KATNBL1: variants seen among roughly 807,000 people sequenced by gnomAD.
KATNBL1 encodes KATNB1-like protein 1.
In KATNBL1, 28 loss-of-function variants were observed where a neutral mutation model predicts 44.7. The ratio of observed to expected loss-of-function variants is 0.63; its 90% CI spans 0.46 to 0.86. KATNBL1 has a LOEUF of 0.86. Among genes scored for constraint, KATNBL1 ranks in the 40% least tolerant of loss-of-function variants. The probability of loss-of-function intolerance (pLI) is 0.00; values close to 1 mark genes in which losing one functional copy is unlikely to be tolerated. For synonymous variants in KATNBL1, 78 were observed against 114.9 expected (o/e 0.68, Z 2.06); for missense variants, 272 against 350.7 (o/e 0.78, Z 1.79).
chr15:34,181,866 T>TCC (rs1555529424), intron 1 of KATNBL1, among the ~76,000 whole-genome samples: 2 of 119,804 alleles, frequency 1.7e-5, no homozygotes, highest in Non-Finnish European at 3.4e-5. Context: ...CATATATATA[T>TCC]ATCCATATAT....
At chr15:34,203,999 G>C (rs1220632653) in intron 1 of KATNBL1, among the ~76,000 whole-genome samples, 2 of 143,616 alleles carry the variant, frequency 1.4e-5, no homozygotes, top group Non-Finnish European at 3.0e-5. Flanking sequence ...AGCACATTCT[G>C]CACACGTACC....
intron 7 of KATNBL1, 95 bp from the exon 8 acceptor site, chr15:34,146,945 CAT>C: frequency 1.3e-6 from 1 of 773,564 alleles, no homozygotes; most frequent in South Asian, 1.6e-5. Context: ...CACACACACA[CAT>C]TGGTCCCTTC....
intron 1 of KATNBL1, among the ~76,000 whole-genome samples, chr15:34,189,648 G>A (rs1002484206): frequency 6.6e-6 from 1 of 152,168 alleles, no homozygotes; most frequent in Admixed American, 6.5e-5. Flanking sequence ...TGATAGAGAG[G>A]AGACAGTTTC....
rs1888131266 is a variant in KATNBL1 at position 34,140,715 on chromosome 15, C to G, written c.*1624G>C. 1 of 152,102 alleles carries G rather than the reference C, an allele frequency of 6.6e-6. No individual in the cohort carries two copies. Among genetic ancestry groups the G allele is most frequent in the Admixed American group, 6.5e-5 (1 of 15,270 alleles). The allele number at this position is 152,102 out of a possible 1,614,324, so 9.4% of individuals were successfully genotyped here. A position where few individuals can be genotyped will look rare whatever the true frequency, so the allele number is the denominator to read the frequency against. ...TTATATTTTATCATGTTAAAAGTTT[C>G]ACAGAGATAACAGGTTTACAATTCA... is the stretch of plus-strand genomic sequence containing the variant. On this transcript the variant is annotated 3_prime_UTR_variant, in exon 10 of 10. Coordinates refer to ENST00000256544, the MANE Select transcript of KATNBL1 (RefSeq NM_024713.3).
intron 1 of KATNBL1, among the ~76,000 whole-genome samples, chr15:34,170,943 AT>A (rs764547738): frequency 3.3e-5 from 5 of 152,228 alleles, no homozygotes; most frequent in Non-Finnish European, 7.3e-5. Flanking sequence ...TTCAAGATGG[AT>A]TAAAGACTTA....
chr15:34,181,690 C>T (rs62016520), intron 1 of KATNBL1, among the ~76,000 whole-genome samples: 1 of 38,488 alleles, frequency 2.6e-5, no homozygotes, highest in Non-Finnish European at 5.2e-5. Flanking sequence ...ATATATATGT[C>T]CATATATATA....
intron 1 of KATNBL1, among the ~76,000 whole-genome samples, chr15:34,190,645 T>C (rs1235913845): frequency 1.3e-5 from 2 of 152,180 alleles, no homozygotes; most frequent in Non-Finnish European, 2.9e-5. Context: ...TGGGAAACTT[T>C]ACAATGGATA....
intron 1 of KATNBL1, among the ~76,000 whole-genome samples, chr15:34,175,985 A>G (rs1889319021): frequency 6.6e-6 from 1 of 152,256 alleles, no homozygotes; most frequent in Non-Finnish European, 1.5e-5. Flanking sequence ...CTTATTCACA[A>G]TAGCCAAAAA....
intron 1 of KATNBL1, among the ~76,000 whole-genome samples, chr15:34,203,313 C>T (rs748002006): frequency 4.6e-5 from 7 of 152,102 alleles, no homozygotes; most frequent in Non-Finnish European, 8.8e-5. Context: ...CCAAGCTGTC[C>T]GTTTCTTTCC....
intron 2 of KATNBL1, among the ~76,000 whole-genome samples, chr15:34,158,142 A>G (rs917699979): frequency 6.6e-6 from 1 of 152,200 alleles, no homozygotes; most frequent in Non-Finnish European, 1.5e-5. Context: ...CCTAAATACT[A>G]GGCAACTATC....
At chr15:34,199,826 AAGAC>A (rs1890128156) in intron 1 of KATNBL1, 1 of 151,836 alleles carries the variant, frequency 6.6e-6, no homozygotes, top group Non-Finnish European at 1.5e-5. Context: ...ATTTATTGTG[AAGAC>A]GGAAAGAACA....
rs144559039 is a variant in KATNBL1 at position 34,190,730 on chromosome 15, C to T, written c.-15+19221G>A. Among the ~76,000 whole-genome samples the T allele has an allele frequency of 1.6e-3, 251 of 152,198 alleles. 1 individual carries two copies. The highest frequency in any genetic ancestry group is 2.9e-3 in the Non-Finnish European group (194 of 68,018). On this transcript the variant is annotated intron_variant, in intron 1 of 9. Coordinates refer to ENST00000256544, the MANE Select transcript of KATNBL1 (RefSeq NM_024713.3). ...AGAGACAACCAGACATTATATGAATCCTGATATGATACAACAGGAAATATT... is the reference window on the plus strand; with the variant it reads ...AGAGACAACCAGACATTATATGAATTCTGATATGATACAACAGGAAATATT...
At chr15:34,169,271 C>T (rs945015306) in intron 1 of KATNBL1, among the ~76,000 whole-genome samples, 1 of 152,102 alleles carries the variant, frequency 6.6e-6, no homozygotes, top group Non-Finnish European at 1.5e-5. Flanking sequence ...ACCACTGATG[C>T]CCCAGAAATA....
intron 1 of KATNBL1, among the ~76,000 whole-genome samples, chr15:34,193,714 T>C (rs1889951910): frequency 6.6e-6 from 1 of 151,312 alleles, no homozygotes; most frequent in Non-Finnish European, 1.5e-5. Flanking sequence ...TAGCCGGGCA[T>C]AGTGGTGCAC....
At chr15:34,206,850 C>G (rs909641156) in intron 1 of KATNBL1, among the ~76,000 whole-genome samples, 15 of 151,442 alleles carry the variant, frequency 9.9e-5, no homozygotes, top group African/African-American at 3.4e-4. Flanking sequence ...AAAGTGTATG[C>G]TCCCAGTAAA....
At chr15:34,163,860 G>A (rs185969489) in intron 1 of KATNBL1, among the ~76,000 whole-genome samples, 170 bp from the exon 2 acceptor site, 26 of 151,420 alleles carry the variant, frequency 1.7e-4, no homozygotes, top group Admixed American at 1.5e-3. Flanking sequence ...ACAAGGCAAG[G>A]CATTCCAGGA....
At chr15:34,153,513 G>C (rs1459577395) in intron 3 of KATNBL1, among the ~76,000 whole-genome samples, 1 of 152,094 alleles carries the variant, frequency 6.6e-6, no homozygotes, top group Non-Finnish European at 1.5e-5. Context: ...TTAATACAGT[G>C]GTTCTCAAAC....
chr15:34,163,045 CTT>C (rs35514072), intron 2 of KATNBL1, among the ~76,000 whole-genome samples: 3 of 142,528 alleles, frequency 2.1e-5, no homozygotes, highest in Admixed American at 1.4e-4. Context: ...TGACTAAAAA[CTT>C]TTTTTTTTTT....
rs1428703584 is a variant in KATNBL1, at chr15:34,169,360, G to GAC, written c.-14-5671_-14-5670insGT. On this transcript the variant is annotated intron_variant, in intron 1 of 9. Transcript: ENST00000256544. Reference sequence around the variant, plus strand: ...TCTAGAAGAAATGGATAAATTCCTGGATACGTACACCCTCCCAAGACTAAA... The same window carrying GAC: ...TCTAGAAGAAATGGATAAATTCCTGGACATACGTACACCCTCCCAAGACTAAA... 1.3e-4 allele frequency among the ~76,000 whole-genome samples: 20 copies of GAC among 152,278 alleles called. No homozygotes were observed. In the East Asian group the frequency reaches 3.5e-3, roughly 26 times the overall value.
Sources: gnomAD v4.1 joint callset for allele counts (sites outside exome capture counted in the v4.1 genomes callset) on GRCh38, gnomAD v4.1.1 for gene constraint, MANE v1.5 for transcripts, NCBI Gene and HGNC (gene_info 2026-07-23, HGNC 2026-07-21) for gene names.